The following DAO variants were observed in gnomAD, a reference collection of about 807,000 sequenced individuals.
The protein encoded by DAO is D-amino-acid oxidase.
Under a neutral mutation model 50.1 loss-of-function variants are expected in DAO, and 51 were observed. The ratio of observed to expected loss-of-function variants is 1.02; its 90% CI spans 0.81 to 1.29. The LOEUF is 1.29. DAO is among the 50% of genes most tolerant of loss of function. DAO has a pLI of 0.00. For synonymous variants in DAO, 160 were observed against 166.2 expected (o/e 0.96, Z 0.29); for missense variants, 436 against 439.4 (o/e 0.99, Z 0.07).
intron 1 of DAO, chr12:108,883,564 A>G (rs750542475): frequency 2.4e-5 from 11 of 454,692 alleles, no homozygotes; most frequent in African/African-American, 4.0e-5. Flanking sequence ...CGTGGTACCA[A>G]GAACTTTTGC....
chr12:108,898,050 C>T (rs1209055661), intron 8 of DAO, among the ~76,000 whole-genome samples: 1 of 151,778 alleles, frequency 6.6e-6, no homozygotes, highest in Non-Finnish European at 1.5e-5. Context: ...ATGACAATGT[C>T]ACTGAAACCA....
chr12:108,884,714 G>A (rs2039415183), intron 1 of DAO, among the ~76,000 whole-genome samples: 1 of 152,026 alleles, frequency 6.6e-6, no homozygotes, highest in South Asian at 2.1e-4. Flanking sequence ...TCTATTCCCA[G>A]CCCAGAAACT....
chr12:108,900,454 A>C lies in DAO; in HGVS notation c.963A>C (p.Gly321=), dbSNP rs1208324220. 1 of 1,613,976 alleles carries C rather than the reference A, an allele frequency of 6.2e-7. No individual in the cohort carries two copies. Among genetic ancestry groups the C allele is most frequent in the Non-Finnish European group, 8.5e-7 (1 of 1,179,978 alleles). Residue 321 remains glycine, a synonymous_variant, in exon 11 of 11, where the codon GGA becomes GGC. Transcript: ENST00000228476. ...GCTACGGGCTCACCATCCACTGGGG[A>C]TGTGCCCTGGAGGCAGCCAAGCTCT... ...HGGYGLTIHW[G]CALEAAKLFG... is the part of the protein sequence containing the mutation.
At chr12:108,893,086 C>T (rs757056685) in intron 6 of DAO, 50 bp downstream of exon 6, 1 of 1,538,734 alleles carries the variant, frequency 6.5e-7, no homozygotes, top group Admixed American at 1.7e-5. Context: ...AGAGGGGAGG[C>T]CTCTGCTTCT....
chr12:108,900,886 T>G lies in DAO; in HGVS notation c.*351T>G. 1 of 315,738 alleles carries G rather than the reference T, an allele frequency of 3.2e-6. No individual in the cohort carries two copies. Among genetic ancestry groups the G allele is most frequent in the South Asian group, 2.9e-5 (1 of 34,654 alleles). 19.6% of individuals were successfully genotyped at this position (315,738 alleles called of 1,614,324 possible). On this transcript the variant is annotated 3_prime_UTR_variant, in exon 11 of 11. Coordinates refer to ENST00000228476, the MANE Select transcript of DAO (RefSeq NM_001917.5). ...GAGGCTAAGTAACCTGATTACAAGT[T>G]GTACTAACATATTAAAGGTTCTGAA...
chr12:108,895,613 T>A (rs1566039161), intron 7 of DAO, among the ~76,000 whole-genome samples: 1 of 146,284 alleles, frequency 6.8e-6, no homozygotes, highest in Non-Finnish European at 1.5e-5. Flanking sequence ...TGTGTGTGTG[T>A]GAGAGTATGT....
rs79034390 is a variant in DAO, at chr12:108,895,945, G to A, written c.613-1061G>A. Among the ~76,000 whole-genome samples, 1,084 of 151,736 alleles carry A rather than the reference G, an allele frequency of 7.1e-3. 9 individuals carry two copies. The highest frequency in any genetic ancestry group is 0.022 in the South Asian group (105 of 4,804). The stretch of plus-strand genomic sequence containing the variant: ...AGGTTTATGGAGCCAGCTTGAGGGC[G>A]CACCCAGGAAAAACGCGAGTCACAG... On this transcript the variant is annotated intron_variant, in intron 7 of 10. Coordinates refer to ENST00000228476, the MANE Select transcript of DAO (RefSeq NM_001917.5).
In DAO at chr12:108,885,101, T is replaced by A; in HGVS notation, c.95T>A (p.Ile32Lys). ...RYHSVLQPLD[I>K]KVYADRFTPL... ...CACTCAGTCCTGCAGCCACTGGACA[T>A]AAAGGTCTACGCGGACCGCTTCACC... is the stretch of plus-strand genomic sequence containing the variant. Residue 32 changes from isoleucine (I) to lysine (K), a missense_variant, in exon 2 of 11, where the codon ATA becomes AAA. Ile to Lys is a moderately radical substitution (Grantham distance 102). Transcript: ENST00000228476. The A allele has an allele frequency of 6.2e-7, 1 of 1,614,138 alleles. No individual in the cohort carries two copies. Among genetic ancestry groups the A allele is most frequent in the Non-Finnish European group, 8.5e-7 (1 of 1,180,010 alleles).
chr12:108,885,390 C>G (rs1378508279), intron 2 of DAO, among the ~76,000 whole-genome samples, 190 bp downstream of exon 2: 1 of 152,120 alleles, frequency 6.6e-6, no homozygotes, highest in Non-Finnish European at 1.5e-5. Context: ...GGGAGGATCA[C>G]TTGAGGCCAG....
At chr12:108,883,691 C>T (rs1423064158) in intron 1 of DAO, 4 of 455,034 alleles carry the variant, frequency 8.8e-6, no homozygotes, top group Non-Finnish European at 1.8e-5. Context: ...AGAGAGAAGA[C>T]CAAGGGTCCC....
intron 5 of DAO, among the ~76,000 whole-genome samples, chr12:108,892,720 G>A (rs2039505473): frequency 6.6e-6 from 1 of 152,134 alleles, no homozygotes. Flanking sequence ...CTCACTCTAT[G>A]GCCTTCAGCA....
intron 1 of DAO, among the ~76,000 whole-genome samples, chr12:108,882,131 G>C (rs188233558): frequency 6.6e-6 from 1 of 152,256 alleles, no homozygotes; most frequent in African/African-American, 2.4e-5. Flanking sequence ...GGCTGGCCTG[G>C]GCTCTGCCTC....
At chr12:108,899,542 G>A in intron 10 of DAO, 67 bp downstream of exon 10, 1 of 1,371,514 alleles carries the variant, frequency 7.3e-7, no homozygotes, top group African/African-American at 1.4e-5. Context: ...CATTTTCAGG[G>A]AACAGTCATG....
intron 3 of DAO, 59 bp from the exon 4 acceptor site, chr12:108,889,410 C>T: frequency 8.3e-7 from 1 of 1,207,014 alleles, no homozygotes; most frequent in South Asian, 1.2e-5. Context: ...TCGCCTGGCC[C>T]ATTATCATTA....
intron 8 of DAO, among the ~76,000 whole-genome samples, chr12:108,898,042 G>T (rs2039580084): frequency 2.0e-5 from 3 of 152,248 alleles, no homozygotes; most frequent in African/African-American, 7.2e-5. Flanking sequence ...CGGTGGAGAT[G>T]ACAATGTCAC....
At chr12:108,895,461 G>A (rs1295243817) in intron 7 of DAO, among the ~76,000 whole-genome samples, 3 of 146,830 alleles carry the variant, frequency 2.0e-5, no homozygotes, top group African/African-American at 7.8e-5. Flanking sequence ...GTGCACGTAT[G>A]TGGGGGTGAT....
chr12:108,885,470 C>T (rs1593158467), intron 2 of DAO, among the ~76,000 whole-genome samples: 1 of 152,038 alleles, frequency 6.6e-6, no homozygotes, highest in East Asian at 1.9e-4. Context: ...ATTAGCCGGG[C>T]ATGGTGGCGC....
intron 4 of DAO, 33 bp from the exon 5 acceptor site, chr12:108,890,175 T>G: frequency 6.3e-7 from 1 of 1,585,212 alleles, no homozygotes; most frequent in Non-Finnish European, 8.7e-7. Flanking sequence ...GATTTTTACC[T>G]TTATTTCCAC....
intron 1 of DAO, chr12:108,880,429 A>G (rs1239912148): frequency 3.3e-6 from 1 of 305,096 alleles, no homozygotes; most frequent in African/African-American, 2.2e-5. Context: ...CAGTTTCTTC[A>G]CCTGGAACAT....
Sources: gnomAD v4.1 joint callset for allele counts (sites outside exome capture counted in the v4.1 genomes callset) on GRCh38, gnomAD v4.1.1 for gene constraint, MANE v1.5 for transcripts, NCBI Gene and HGNC (gene_info 2026-07-23, HGNC 2026-07-21) for gene names.